SH3RF1: variants seen among roughly 807,000 people sequenced by gnomAD.
SH3RF1 encodes SH3 domain containing ring finger 1.
Under a neutral mutation model 74.0 loss-of-function variants are expected in SH3RF1, and 32 were observed. That is an observed-to-expected ratio of 0.43 (90% CI 0.33 to 0.58). SH3RF1 has a LOEUF of 0.58. Ranked by LOEUF, SH3RF1 falls within the 20% of genes least tolerant of loss-of-function variation. SH3RF1 has a pLI of 0.05. For synonymous variants in SH3RF1, 396 were observed against 439.6 expected, an observed-to-expected ratio of 0.90 and a Z score of 1.24; for missense variants, 954 against 1,130.9, an observed-to-expected ratio of 0.84 and a Z score of 2.24.
intron 4 of SH3RF1, among the ~76,000 whole-genome samples, chr4:169,137,865 T>C (rs1733724013): frequency 6.6e-6 from 1 of 152,200 alleles, no homozygotes; most frequent in Non-Finnish European, 1.5e-5. Flanking sequence ...TAAGGCTCCT[T>C]GGGGACTCAA....
At chr4:169,234,969 C>T (rs920999071) in intron 2 of SH3RF1, among the ~76,000 whole-genome samples, 1 of 152,072 alleles carries the variant, frequency 6.6e-6, no homozygotes, top group Non-Finnish European at 1.5e-5. Flanking sequence ...ACCAAATGTC[C>T]CTTAAGAGGC....
intron 2 of SH3RF1, among the ~76,000 whole-genome samples, chr4:169,209,428 G>A (rs1251297996): frequency 2.6e-5 from 4 of 152,058 alleles, no homozygotes; most frequent in Non-Finnish European, 4.4e-5. Flanking sequence ...ATCGTCCCCC[G>A]GGAACTCTCC....
intron 5 of SH3RF1, among the ~76,000 whole-genome samples, chr4:169,133,475 C>CAAAAAAAGAAA (rs1406040175): frequency 4.1e-5 from 6 of 147,132 alleles, no homozygotes; most frequent in African/African-American, 1.3e-4. Flanking sequence ...AACTCCATCT[C>CAAAAAAAGAAA]AAAAAAAGAA....
chr4:169,132,449 A>G (rs941615230), intron 5 of SH3RF1, among the ~76,000 whole-genome samples: 3 of 152,192 alleles, frequency 2.0e-5, no homozygotes, highest in African/African-American at 4.8e-5. Flanking sequence ...TCCTGCAAGT[A>G]CCCCTTCAAT....
chr4:169,119,756 C>T (rs1299613422), intron 8 of SH3RF1, among the ~76,000 whole-genome samples: 1 of 152,106 alleles, frequency 6.6e-6, no homozygotes, highest in Admixed American at 6.5e-5. Flanking sequence ...TAAATCAAGG[C>T]CAACAGCTGA....
intron 2 of SH3RF1, among the ~76,000 whole-genome samples, chr4:169,203,381 C>T (rs1734942125): frequency 6.6e-6 from 1 of 151,724 alleles, no homozygotes; most frequent in Non-Finnish European, 1.5e-5. Flanking sequence ...TGAAACCCCA[C>T]CTCTACCAAA....
At chr4:169,249,661 A>C (rs936573784) in intron 2 of SH3RF1, among the ~76,000 whole-genome samples, 4 of 152,156 alleles carry the variant, frequency 2.6e-5, no homozygotes, top group African/African-American at 9.7e-5. Context: ...CAAGGATCCA[A>C]TCCCCCCGTT....
chr4:169,243,890 C>T (rs1274962161), intron 2 of SH3RF1, among the ~76,000 whole-genome samples: 2 of 152,186 alleles, frequency 1.3e-5, no homozygotes, highest in Admixed American at 6.5e-5. Flanking sequence ...CTACAGTAAA[C>T]TTGTATTTTT....
chr4:169,229,597 G>T (rs1478820371), intron 2 of SH3RF1, among the ~76,000 whole-genome samples: 1 of 152,008 alleles, frequency 6.6e-6, no homozygotes, highest in Non-Finnish European at 1.5e-5. Context: ...TAACATCACT[G>T]TTTTCAGAAC....
intron 2 of SH3RF1, among the ~76,000 whole-genome samples, chr4:169,173,239 C>T (rs1734362140): frequency 6.6e-6 from 1 of 152,088 alleles, no homozygotes; most frequent in South Asian, 2.1e-4. Flanking sequence ...ATTGTCCCTG[C>T]TCATCCACCT....
At chr4:169,264,734 C>G (rs565934143) in intron 2 of SH3RF1, among the ~76,000 whole-genome samples, 1 of 152,326 alleles carries the variant, frequency 6.6e-6, no homozygotes, top group South Asian at 2.1e-4. Flanking sequence ...ATCTATCCTA[C>G]CCATCTGACC....
chr4:169,103,863 T>C (rs1227843288), intron 11 of SH3RF1, among the ~76,000 whole-genome samples: 1 of 152,222 alleles, frequency 6.6e-6, no homozygotes, highest in East Asian at 1.9e-4. Context: ...AAAGACCCCT[T>C]TCCCACTTGT....
intron 2 of SH3RF1, among the ~76,000 whole-genome samples, chr4:169,254,688 T>C (rs1049421625): frequency 6.6e-6 from 1 of 152,058 alleles, no homozygotes; most frequent in African/African-American, 2.4e-5. Context: ...GTACATAACA[T>C]GAGGATGTAA....
intron 5 of SH3RF1, 85 bp downstream of exon 5, chr4:169,136,233 T>C (rs535854013): frequency 1.9e-5 from 24 of 1,288,634 alleles, no homozygotes; most frequent in Middle Eastern, 5.9e-4. Context: ...ATAAGCAATG[T>C]TTGTCAGCCA....
In SH3RF1 at chr4:169,136,463, A is replaced by C; in HGVS notation, c.923T>G (p.Leu308Arg). ...NTKKRHSFTS[L>R]TMANKSSQAS... ...CTGGGAGGACTTGTTGGCCATAGTG[A>C]GGGAAGTGAAGGAGTGCCGCTTTTT... The change falls in exon 5 of 12, where the codon CTC becomes CGC. Residue 308 changes from leucine (L) to arginine (R), a missense_variant. Transcript: ENST00000284637. 3 of 1,612,236 alleles carry C rather than the reference A, an allele frequency of 1.9e-6. No homozygotes were observed. The highest frequency in any genetic ancestry group is 2.5e-6 in the Non-Finnish European group (3 of 1,179,302).
chr4:169,246,266 T>C (rs1181951896), intron 2 of SH3RF1, among the ~76,000 whole-genome samples: 1 of 152,184 alleles, frequency 6.6e-6, no homozygotes, highest in Non-Finnish European at 1.5e-5. Context: ...ACGTATTTCA[T>C]AAAGAGAGCT....
At chr4:169,154,530 C>T (rs1362333437) in intron 4 of SH3RF1, among the ~76,000 whole-genome samples, 2 of 152,180 alleles carry the variant, frequency 1.3e-5, no homozygotes, top group Non-Finnish European at 2.9e-5. Context: ...AGATTACTTT[C>T]AATTCCCCAA....
intron 2 of SH3RF1, among the ~76,000 whole-genome samples, chr4:169,262,052 A>G (rs1042274085): frequency 6.6e-6 from 1 of 152,218 alleles, no homozygotes; most frequent in Non-Finnish European, 1.5e-5. Flanking sequence ...AATGGTACAC[A>G]TAATTAGTAC....
At chr4:169,114,159 A>C (rs1249382727) in intron 10 of SH3RF1, among the ~76,000 whole-genome samples, 2 of 152,140 alleles carry the variant, frequency 1.3e-5, no homozygotes, top group African/African-American at 4.8e-5. Context: ...TTGTGGTAAA[A>C]ATCGGGTCCT....
Sources: gnomAD v4.1 joint callset for allele counts (sites outside exome capture counted in the v4.1 genomes callset) on GRCh38, gnomAD v4.1.1 for gene constraint, MANE v1.5 for transcripts, NCBI Gene and HGNC (gene_info 2026-07-23, HGNC 2026-07-21) for gene names.